GRID2: variants seen among roughly 807,000 people sequenced by gnomAD.
GRID2 encodes the protein glutamate receptor ionotropic, delta-2.
Under a neutral mutation model 114.8 loss-of-function variants are expected in GRID2, and 33 were observed. The observed-to-expected ratio is 0.29, with a 90% CI of 0.22 to 0.38. The LOEUF (loss-of-function observed/expected upper bound fraction) is 0.38. Ranked by LOEUF, GRID2 falls within the 10% of genes least tolerant of loss-of-function variation. GRID2 has a pLI of 1.00. For missense variants in GRID2, 1,184 were observed against 1,257.7 expected (o/e 0.94, Z 0.89); for synonymous variants, 505 against 449.9 (o/e 1.12, Z -1.55).
chr4:92,347,725 T>A (rs1727843053), intron 1 of GRID2, among the ~76,000 whole-genome samples: 2 of 151,932 alleles, frequency 1.3e-5, no homozygotes, highest in Non-Finnish European at 2.9e-5. Context: ...GAAGGCGAGA[T>A]TGAGGGATAG....
chr4:92,486,547 T>TCACA (rs72216440), intron 1 of GRID2, among the ~76,000 whole-genome samples: 15,116 of 136,956 alleles, frequency 0.11, 794 homozygotes, highest in South Asian at 0.14. Context: ...TCTCTCTCTT[T>TCACA]CACACACACA....
chr4:93,193,833 C>T (rs762126021), intron 4 of GRID2, among the ~76,000 whole-genome samples: 1 of 152,202 alleles, frequency 6.6e-6, no homozygotes, highest in South Asian at 2.1e-4. Context: ...TCTTGGCATA[C>T]ATCTCCAGGA....
At chr4:92,434,660 A>T (rs1732642544) in intron 1 of GRID2, among the ~76,000 whole-genome samples, 1 of 152,146 alleles carries the variant, frequency 6.6e-6, no homozygotes. Flanking sequence ...ATTTTCACAT[A>T]TATCAGTTTT....
intron 8 of GRID2, among the ~76,000 whole-genome samples, chr4:93,300,082 G>C (rs947169592): frequency 2.0e-5 from 3 of 152,006 alleles, no homozygotes; most frequent in Non-Finnish European, 4.4e-5. Context: ...TACAGTATTT[G>C]TTCTTTATTT....
intron 2 of GRID2, among the ~76,000 whole-genome samples, chr4:92,913,165 AT>A (rs1247939440): frequency 6.6e-6 from 1 of 151,814 alleles, no homozygotes; most frequent in Non-Finnish European, 1.5e-5. Flanking sequence ...GTATGAAAAA[AT>A]GTTTGGTTTT....
chr4:93,462,921 G>C (rs1723888558), intron 11 of GRID2, among the ~76,000 whole-genome samples: 1 of 152,082 alleles, frequency 6.6e-6, no homozygotes, highest in South Asian at 2.1e-4. Flanking sequence ...GAGGAAAAAT[G>C]AGAGTAATTC....
chr4:93,543,920 C>A (rs1180274778), intron 13 of GRID2, among the ~76,000 whole-genome samples: 1 of 152,116 alleles, frequency 6.6e-6, no homozygotes, highest in East Asian at 1.9e-4. Context: ...AAAAATGCAA[C>A]CAATGTAAGA....
Position 92,367,979 on chromosome 4 carries a change from A to G in GRID2, c.88+63235A>G, listed in dbSNP as rs565120018. On this transcript the variant is annotated intron_variant, in intron 1 of 15. Coordinates refer to ENST00000282020, the MANE Select transcript of GRID2 (RefSeq NM_001510.4). ...ACAGCAAGAGGAGAGGAAGAGTGTA[A>G]TATAATCACATGTTGTGAGCTCAAA... Among the ~76,000 whole-genome samples the G allele has an allele frequency of 2.0e-5, 3 of 152,234 alleles. No homozygotes were observed. The East Asian group carries it at 5.8e-4, about 29-fold the overall frequency.
At chr4:92,884,936 A>C (rs577396731) in intron 2 of GRID2, 217 of 203,296 alleles carry the variant, frequency 1.1e-3, no homozygotes, top group South Asian at 3.4e-3. Context: ...TGGTCTCCCC[A>C]AAAAAAAAAA....
intron 11 of GRID2, among the ~76,000 whole-genome samples, chr4:93,467,922 A>T (rs1026486088): frequency 2.0e-5 from 3 of 152,218 alleles, no homozygotes; most frequent in African/African-American, 7.2e-5. Context: ...TCATACCTGC[A>T]TCATCATAAC....
chr4:92,348,203 T>A (rs1217281123), intron 1 of GRID2, among the ~76,000 whole-genome samples: 3 of 152,150 alleles, frequency 2.0e-5, no homozygotes, highest in African/African-American at 4.8e-5. Context: ...TGGGCTCAAG[T>A]GATCCTCCCT....
At chr4:93,494,720 A>G (rs1332702716) in intron 12 of GRID2, among the ~76,000 whole-genome samples, 1 of 151,774 alleles carries the variant, frequency 6.6e-6, no homozygotes, top group Non-Finnish European at 1.5e-5. Flanking sequence ...TGCCATTTCC[A>G]CAAGACTCTA....
intron 1 of GRID2, among the ~76,000 whole-genome samples, chr4:92,540,991 T>C (rs1725913843): frequency 6.6e-6 from 1 of 152,116 alleles, no homozygotes; most frequent in Non-Finnish European, 1.5e-5. Context: ...ATGTCCTTTG[T>C]AGGAACATGG....
At chr4:92,688,037 CTTTTTTTTTTT>C (rs760605020) in intron 2 of GRID2, among the ~76,000 whole-genome samples, 59 of 44,672 alleles carry the variant, frequency 1.3e-3, no homozygotes, top group Non-Finnish European at 1.6e-3. Flanking sequence ...CCTTCTTCTT[CTTTTTTTTTTT>C]TTTTTTTTTT....
chr4:93,476,616 T>C (rs1725343705), intron 11 of GRID2, among the ~76,000 whole-genome samples: 4 of 152,146 alleles, frequency 2.6e-5, no homozygotes, highest in Admixed American at 2.0e-4. Flanking sequence ...TTTTTATTTT[T>C]TAACAAAACT....
intron 2 of GRID2, among the ~76,000 whole-genome samples, chr4:93,059,143 G>T (rs149505694): frequency 6.6e-6 from 1 of 152,160 alleles, no homozygotes; most frequent in African/African-American, 2.4e-5. Flanking sequence ...GTTAATGCAA[G>T]GAGCACTCTT....
chr4:92,608,453 T>C (rs1729567638), intron 2 of GRID2, among the ~76,000 whole-genome samples: 1 of 151,888 alleles, frequency 6.6e-6, no homozygotes, highest in African/African-American at 2.4e-5. Flanking sequence ...TATTTTAAAA[T>C]AATTATTCTA....
At chr4:93,276,995 G>A (rs2149578759) in intron 8 of GRID2, among the ~76,000 whole-genome samples, 1 of 151,890 alleles carries the variant, frequency 6.6e-6, no homozygotes, top group South Asian at 2.1e-4. Context: ...GATTTAAGAA[G>A]ATATTTGATA....
chr4:93,682,430 G>T (rs1455388430), intron 14 of GRID2, among the ~76,000 whole-genome samples: 2 of 151,564 alleles, frequency 1.3e-5, no homozygotes, highest in African/African-American at 2.4e-5. Context: ...CCCATTACTG[G>T]GTATATACCC....
Sources: gnomAD v4.1 joint callset for allele counts (sites outside exome capture counted in the v4.1 genomes callset) on GRCh38, gnomAD v4.1.1 for gene constraint, MANE v1.5 for transcripts, NCBI Gene and HGNC (gene_info 2026-07-23, HGNC 2026-07-21) for gene names.